Variants in LRRC4C observed in about 807,000 individuals in gnomAD.
The protein encoded by LRRC4C is leucine rich repeat containing 4C, also known as leucine-rich repeat-containing protein 4C.
A neutral mutation model predicts 33.6 loss-of-function variants in LRRC4C; 5 were observed. The observed-to-expected ratio is 0.15, with a 90% CI of 0.08 to 0.31. The LOEUF is 0.31. LRRC4C is among the 10% of genes least tolerant of loss of function. The pLI, the probability that LRRC4C is intolerant of heterozygous loss-of-function variation, is 1.00. For missense variants in LRRC4C, 560 were observed against 796.7 expected (o/e 0.70, Z 3.58); for synonymous variants, 329 against 302.0 (o/e 1.09, Z -0.93).
chr11:40,606,252 G>C (rs574394004), intron 3 of LRRC4C, among the ~76,000 whole-genome samples: 40 of 152,282 alleles, frequency 2.6e-4, no homozygotes, highest in African/African-American at 9.6e-4. Flanking sequence ...TAGCGCTAGA[G>C]AAGTTAGAGT....
intron 2 of LRRC4C, among the ~76,000 whole-genome samples, chr11:40,878,040 C>T (rs1680135423): frequency 6.6e-6 from 1 of 152,112 alleles, no homozygotes; most frequent in Admixed American, 6.6e-5. Flanking sequence ...TTCAAAGAAG[C>T]TCTCCAGTGA....
At chr11:40,355,977 C>CATAGTAT (rs1947648986) in intron 3 of LRRC4C, among the ~76,000 whole-genome samples, 1 of 108,126 alleles carries the variant, frequency 9.2e-6, no homozygotes, top group Non-Finnish European at 2.2e-5. Flanking sequence ...TAGTATAGTA[C>CATAGTAT]AGTATAGTAT....
At chr11:40,998,960 G>A (rs764961160) in intron 1 of LRRC4C, among the ~76,000 whole-genome samples, 1 of 152,060 alleles carries the variant, frequency 6.6e-6, no homozygotes, top group Non-Finnish European at 1.5e-5. Flanking sequence ...TTAAATGAGA[G>A]TGCCAACATG....
At chr11:40,364,166 T>C (rs944870818) in intron 3 of LRRC4C, among the ~76,000 whole-genome samples, 1 of 152,036 alleles carries the variant, frequency 6.6e-6, no homozygotes, top group African/African-American at 2.4e-5. Context: ...AAATTCATAA[T>C]TTCTGGTGTC....
rs549919738 is a variant in LRRC4C, at chr11:40,561,408, C to CTTT, written c.-270+86731_-270+86733dup. On this transcript the variant is annotated intron_variant, in intron 3 of 6. Coordinates refer to ENST00000528697, the MANE Select transcript of LRRC4C (RefSeq NM_001258419.2). ...TCTTTATTCTTTGTTCTGAGGATTC[C>CTTT]TTTTTTTTTTTTTTTTTTTTTTGAG... 4.3e-3 allele frequency among the ~76,000 whole-genome samples: 431 copies of CTTT among 100,844 alleles called. 4 individuals are homozygous for CTTT. Among genetic ancestry groups the CTTT allele is most frequent in the Non-Finnish European group, 4.8e-3 (256 of 53,808 alleles). 66.2% of individuals were successfully genotyped at this position (100,844 alleles called of 152,430 possible). A position where few individuals can be genotyped will look rare whatever the true frequency, so the allele number is the denominator to read the frequency against.
intron 1 of LRRC4C, among the ~76,000 whole-genome samples, chr11:40,992,231 C>T (rs1052123264): frequency 6.6e-6 from 1 of 152,032 alleles, no homozygotes; most frequent in African/African-American, 2.4e-5. Flanking sequence ...GAATTCAGGT[C>T]TCCTCTATTA....
intron 1 of LRRC4C, among the ~76,000 whole-genome samples, chr11:41,322,225 A>G (rs1950979793): frequency 6.6e-6 from 1 of 151,902 alleles, no homozygotes. Context: ...TCCACTTCTG[A>G]TGAAAAAAAG....
intron 3 of LRRC4C, among the ~76,000 whole-genome samples, chr11:40,413,090 A>T (rs1282193260): frequency 2.0e-5 from 3 of 152,124 alleles, no homozygotes; most frequent in Non-Finnish European, 4.4e-5. Flanking sequence ...TATTAAAAGA[A>T]AAAGACATAG....
intron 3 of LRRC4C, among the ~76,000 whole-genome samples, chr11:40,331,742 T>C (rs1246867796): frequency 6.6e-6 from 1 of 152,156 alleles, no homozygotes; most frequent in Non-Finnish European, 1.5e-5. Flanking sequence ...AACTTCTGGT[T>C]CATGGACCTT....
At chr11:40,382,678 G>C (rs940936024) in intron 3 of LRRC4C, among the ~76,000 whole-genome samples, 1 of 122,472 alleles carries the variant, frequency 8.2e-6, no homozygotes, top group African/African-American at 3.1e-5. Flanking sequence ...ACTAAAACTT[G>C]TACTCATTTT....
chr11:41,383,398 T>C (rs973241756), intron 1 of LRRC4C, among the ~76,000 whole-genome samples: 1 of 152,072 alleles, frequency 6.6e-6, no homozygotes, highest in Admixed American at 6.6e-5. Context: ...GCCTCTCATA[T>C]CACAAACTAA....
intron 1 of LRRC4C, among the ~76,000 whole-genome samples, chr11:41,097,774 A>C (rs1940905800): frequency 6.6e-6 from 1 of 152,128 alleles, no homozygotes; most frequent in African/African-American, 2.4e-5. Context: ...CAACTTTCCC[A>C]AAGATGGCTT....
At chr11:41,235,079 C>T (rs1355095211) in intron 1 of LRRC4C, among the ~76,000 whole-genome samples, 3 of 151,966 alleles carry the variant, frequency 2.0e-5, no homozygotes, top group Non-Finnish European at 4.4e-5. Flanking sequence ...AAAAAGAGGA[C>T]TCCAAGGTAA....
At chr11:41,051,042 C>A (rs190379676) in intron 1 of LRRC4C, among the ~76,000 whole-genome samples, 5 of 152,246 alleles carry the variant, frequency 3.3e-5, no homozygotes, top group African/African-American at 1.2e-4. Context: ...GGGCTTCTAT[C>A]AGCTCAATGA....
chr11:40,537,441 C>T (rs11035904), intron 3 of LRRC4C, among the ~76,000 whole-genome samples: 13,448 of 152,188 alleles, frequency 0.088, 1,690 homozygotes, highest in African/African-American at 0.28. Context: ...CCACAATTGT[C>T]ACTTCCCCAT....
chr11:40,713,900 T>A (rs1946587033), intron 2 of LRRC4C, among the ~76,000 whole-genome samples: 1 of 152,176 alleles, frequency 6.6e-6, no homozygotes, highest in Non-Finnish European at 1.5e-5. Context: ...TTCCCATCGC[T>A]ATAGAAGAGG....
chr11:41,166,732 C>A (rs754224082), intron 1 of LRRC4C, among the ~76,000 whole-genome samples: 69 of 152,142 alleles, frequency 4.5e-4, no homozygotes, highest in Non-Finnish European at 8.2e-4. Flanking sequence ...TCCCCAGGAA[C>A]AAACACAGCT....
At chr11:41,449,165 G>GT (rs1955936153) in intron 1 of LRRC4C, among the ~76,000 whole-genome samples, 2 of 152,164 alleles carry the variant, frequency 1.3e-5, no homozygotes, top group Admixed American at 6.6e-5. Flanking sequence ...ACTTAAAACC[G>GT]TGTAAGTGTA....
intron 1 of LRRC4C, among the ~76,000 whole-genome samples, chr11:40,973,620 A>T (rs573459152): frequency 6.6e-6 from 1 of 152,324 alleles, no homozygotes; most frequent in Admixed American, 6.5e-5. Context: ...ATATTTTATT[A>T]TAGAAGTCCT....
Sources: allele counts gnomAD v4.1 joint callset (sites outside exome capture counted in the v4.1 genomes callset), GRCh38; gene constraint gnomAD v4.1.1; transcripts MANE v1.5; gene names NCBI Gene and HGNC (gene_info 2026-07-23, HGNC 2026-07-21).